Variants in SNX29 observed in about 807,000 individuals in gnomAD.
The protein encoded by SNX29 is sorting nexin 29, also known as sorting nexin-29.
SNX29 carries 78 observed loss-of-function variants against 102.1 expected under a neutral mutation model. The observed-to-expected ratio is 0.76, with a 90% CI of 0.64 to 0.92. The LOEUF (loss-of-function observed/expected upper bound fraction) is 0.92, where lower values mean the gene tolerates loss of function less well. SNX29 is among the 40% of genes least tolerant of loss of function. The pLI is 0.00. For missense variants in SNX29, 1,280 were observed against 1,061.7 expected (o/e 1.21, Z -2.86); for synonymous variants, 580 against 414.5 (o/e 1.40, Z -4.85).
intron 18 of SNX29, among the ~76,000 whole-genome samples, chr16:12,450,668 G>T (rs762661985): frequency 2.0e-5 from 3 of 152,176 alleles, no homozygotes; most frequent in Non-Finnish European, 2.9e-5. Context: ...GAACCAGGTG[G>T]CCCAAAGGAT....
intron 18 of SNX29, among the ~76,000 whole-genome samples, chr16:12,445,553 C>G (rs11075078): frequency 0.42 from 63,688 of 152,016 alleles, 13,447 homozygotes; most frequent in South Asian, 0.49. Context: ...GACTGGCTGG[C>G]TGAATGAATG....
chr16:12,473,826 A>C (rs923837453), intron 18 of SNX29, among the ~76,000 whole-genome samples: 4 of 152,206 alleles, frequency 2.6e-5, no homozygotes, highest in African/African-American at 9.6e-5. Flanking sequence ...TGGCAACATC[A>C]GGAAGTTACT....
chr16:12,477,763 G>A lies in SNX29; in HGVS notation c.2082G>A (p.Arg694=), dbSNP rs771530811. ...IKDDEWNIYR[R]YTEFRSLHHK... The stretch of plus-strand genomic sequence containing the variant: ...ACGATGAATGGAATATTTATCGCCG[G>A]TATACAGAGTTCAGGAGTTTGCACC... The change falls in exon 19 of 21, where the codon CGG becomes CGA. Residue 694 remains arginine (R), a synonymous_variant. Coordinates refer to ENST00000566228, the MANE Select transcript of SNX29 (RefSeq NM_032167.5). The A allele has an allele frequency of 1.9e-6, 3 of 1,613,176 alleles. No individual in the cohort carries two copies. Among genetic ancestry groups the A allele is most frequent in the Non-Finnish European group, 2.5e-6 (3 of 1,179,690 alleles).
At chr16:12,061,403 T>A (rs991070348) in intron 8 of SNX29, 125 bp from the exon 9 acceptor site, 3 of 714,618 alleles carry the variant, frequency 4.2e-6, no homozygotes, top group Non-Finnish European at 7.1e-6. Flanking sequence ...AGCCCACACC[T>A]CCTTCTGTTC....
chr16:12,467,267 A>G (rs947669489), intron 18 of SNX29, among the ~76,000 whole-genome samples: 8 of 152,220 alleles, frequency 5.3e-5, no homozygotes, highest in Non-Finnish European at 8.8e-5. Flanking sequence ...TCTCTTAGAG[A>G]CATACATCTG....
intron 11 of SNX29, among the ~76,000 whole-genome samples, chr16:12,081,086 C>T (rs893048096): frequency 4.6e-5 from 7 of 152,138 alleles, no homozygotes; most frequent in East Asian, 1.9e-4. Context: ...TATGAGTTAA[C>T]GAAACCAGCA....
Position 12,573,947 on chromosome 16 carries a change from G to A in SNX29, c.*5318G>A, listed in dbSNP as rs193002881. 5.0e-5 allele frequency: 10 copies of A among 199,922 alleles called. 2 individuals are homozygous for A. The highest frequency in any genetic ancestry group is 2.1e-4 in the African/African-American group (9 of 43,614). 12.4% of individuals were successfully genotyped at this position (199,922 alleles called of 1,614,324 possible). ...TTAGAGAAGCGAGTCTTTTTTGAAT[G>A]GAGGAGCGATGGTAACCCCACTAGG... On this transcript the variant is annotated 3_prime_UTR_variant, in exon 21 of 21. Transcript: ENST00000566228.
chr16:12,001,447 AT>A (rs2056284833), intron 2 of SNX29, among the ~76,000 whole-genome samples: 1 of 151,934 alleles, frequency 6.6e-6, no homozygotes, highest in Non-Finnish European at 1.5e-5. Context: ...TATTATTGTT[AT>A]TTTGACGGTT....
At position 12,568,668 on chromosome 16, in the gene SNX29, C is replaced by G. The variant is rs1261787501; in HGVS notation, c.*39C>G. On this transcript the variant is annotated 3_prime_UTR_variant, in exon 21 of 21. Coordinates refer to ENST00000566228, the MANE Select transcript of SNX29 (RefSeq NM_032167.5). ...GCAGCCACGGGCCCTGTGCGTGGCA[C>G]CAGCTGCGTCCACCCCAGCCACTGC... 1.3e-6 allele frequency: 2 copies of G among 1,590,508 alleles called. No individual in the cohort carries two copies. The highest frequency in any genetic ancestry group is 2.2e-5 in the South Asian group (2 of 90,356).
intron 15 of SNX29, among the ~76,000 whole-genome samples, chr16:12,310,517 GAA>G (rs879421432): frequency 2.7e-4 from 37 of 135,152 alleles, no homozygotes; most frequent in Admixed American, 9.7e-4. Flanking sequence ...TGTGCCAAGT[GAA>G]AAAAAAAAAA....
At chr16:11,996,009 G>A (rs559975188) in intron 1 of SNX29, among the ~76,000 whole-genome samples, 1 of 150,972 alleles carries the variant, frequency 6.6e-6, no homozygotes, top group South Asian at 2.1e-4. Flanking sequence ...GCAGGGAGCC[G>A]AGACTGGGCC....
chr16:12,188,492 C>T (rs1279921521), intron 13 of SNX29, among the ~76,000 whole-genome samples: 3 of 152,160 alleles, frequency 2.0e-5, no homozygotes, highest in African/African-American at 7.2e-5. Context: ...ATGATTCCGG[C>T]TGTTAAGTTT....
At chr16:12,539,031 A>G (rs11640491) in intron 20 of SNX29, among the ~76,000 whole-genome samples, 18,871 of 152,184 alleles carry the variant, frequency 0.12, 1,393 homozygotes, top group Non-Finnish European at 0.16. Context: ...TGAATCCAGA[A>G]TGGGGCCCAG....
rs548677476 is a variant in SNX29, at chr16:12,064,626, G to C, written c.1243+2980G>C. ...GGCATAGGGAGAAACATTATTCCAG[G>C]ACTGTGTCAGGATGTTGGACTCAGA... is the stretch of plus-strand genomic sequence containing the variant. On this transcript the variant is annotated intron_variant, in intron 9 of 20. Transcript: ENST00000566228. Among the ~76,000 whole-genome samples, 9 of 152,352 alleles carry C rather than the reference G, an allele frequency of 5.9e-5. No individual in the cohort carries two copies. In the East Asian group the frequency reaches 1.7e-3, roughly 29 times the overall value.
intron 14 of SNX29, among the ~76,000 whole-genome samples, chr16:12,237,512 T>A (rs1389828858): frequency 2.6e-5 from 4 of 152,296 alleles, no homozygotes; most frequent in Admixed American, 2.6e-4. Context: ...GGCTCACGCC[T>A]GTAATCCCAG....
intron 2 of SNX29, 64 bp downstream of exon 2, chr16:11,999,422 C>T: frequency 2.0e-6 from 3 of 1,510,362 alleles, no homozygotes; most frequent in Non-Finnish European, 2.7e-6. Flanking sequence ...TAATGTAGGT[C>T]ATTTCTTCCC....
rs558114487 is a variant in SNX29 at position 12,390,514 on chromosome 16, C to T, written c.1900-7932C>T. Among the ~76,000 whole-genome samples, 12 of 152,212 alleles carry T rather than the reference C, an allele frequency of 7.9e-5. No homozygotes were observed. In the South Asian group the frequency reaches 2.5e-3, roughly 32 times the overall value. On this transcript the variant is annotated intron_variant, in intron 16 of 20. Transcript: ENST00000566228. ...CCCGGGACTTCCTCTCCCCCTGTCA[C>T]CTGCAGAGAGTCTGACTACTCAATG...
chr16:12,261,900 G>A (rs575671357), intron 14 of SNX29, among the ~76,000 whole-genome samples: 1 of 145,348 alleles, frequency 6.9e-6, no homozygotes, highest in Admixed American at 6.8e-5. Flanking sequence ...GTCTGTGCAT[G>A]CGTCCCCGGC....
intron 15 of SNX29, among the ~76,000 whole-genome samples, chr16:12,338,528 A>C (rs2081520474): frequency 6.6e-6 from 1 of 152,226 alleles, no homozygotes; most frequent in African/African-American, 2.4e-5. Flanking sequence ...TCACAGCTTC[A>C]GGAAATCTGT....
Sources: allele counts gnomAD v4.1 joint callset (sites outside exome capture counted in the v4.1 genomes callset), GRCh38; gene constraint gnomAD v4.1.1; transcripts MANE v1.5; gene names NCBI Gene and HGNC (gene_info 2026-07-23, HGNC 2026-07-21).